Variants in CAPS2 observed in about 807,000 individuals in gnomAD.
The protein encoded by CAPS2 is calcyphosin-2.
CAPS2 carries 98 observed loss-of-function variants against 86.5 expected under a neutral mutation model. The ratio of observed to expected loss-of-function variants is 1.13; its 90% CI spans 0.96 to 1.34. The LOEUF (loss-of-function observed/expected upper bound fraction) is 1.34. Ranked by LOEUF, CAPS2 falls within the 40% of genes most tolerant of loss-of-function variation. CAPS2 has a pLI of 0.00. For missense variants in CAPS2, 729 were observed against 686.8 expected, an observed-to-expected ratio of 1.06 and a Z score of -0.69; for synonymous variants, 210 against 225.1, an observed-to-expected ratio of 0.93 and a Z score of 0.60.
chr12:75,372,335 G>A (rs1020282957), intron 1 of CAPS2, among the ~76,000 whole-genome samples: 1 of 152,104 alleles, frequency 6.6e-6, no homozygotes, highest in Admixed American at 6.6e-5. Context: ...GATAGTTTAA[G>A]TCAATCACCC....
At chr12:75,284,050 C>T (rs2034451874) in intron 15 of CAPS2, among the ~76,000 whole-genome samples, 1 of 152,168 alleles carries the variant, frequency 6.6e-6, no homozygotes, top group South Asian at 2.1e-4. Flanking sequence ...CAAACTAATA[C>T]AGAACTGTAT....
chr12:75,293,298 G>A (rs1464294794), exon 12 of CAPS2: 2 of 1,612,374 alleles, frequency 1.2e-6, no homozygotes, highest in Non-Finnish European at 1.7e-6. Flanking sequence ...CGGAGTTTAA[G>A]TAATGTGTTT....
At chr12:75,289,811 C>T in intron 13 of CAPS2, 36 bp from the exon 14 acceptor site, 1 of 1,516,978 alleles carries the variant, frequency 6.6e-7, no homozygotes, top group Non-Finnish European at 9.0e-7. Flanking sequence ...ACAAATTGTT[C>T]CTATGCATAA....
intron 14 of CAPS2, among the ~76,000 whole-genome samples, chr12:75,288,361 A>G (rs1466862168): frequency 6.6e-6 from 1 of 151,546 alleles, no homozygotes; most frequent in Non-Finnish European, 1.5e-5. Context: ...TAATTTTCTT[A>G]TTTGAGCTTC....
chr12:75,331,876 T>C (rs1406983080), upstream of CAPS2, among the ~76,000 whole-genome samples: 1 of 152,200 alleles, frequency 6.6e-6, no homozygotes, highest in Non-Finnish European at 1.5e-5. Flanking sequence ...ATTTAACTTT[T>C]AAAAAGTTAT....
At chr12:75,367,515 G>A (rs1164541662) in intron 1 of CAPS2, among the ~76,000 whole-genome samples, 6 of 54,156 alleles carry the variant, frequency 1.1e-4, no homozygotes, top group South Asian at 1.0e-3. Flanking sequence ...CCATCTCCAC[G>A]TCGTGTACCA....
chr12:75,282,126 CA>C (rs1233711425), intron 16 of CAPS2, 124 bp downstream of exon 16: 2 of 647,476 alleles, frequency 3.1e-6, no homozygotes, highest in Non-Finnish European at 5.5e-6. Context: ...CATAAGTTTC[CA>C]GTTCAAAAAA....
At chr12:75,301,116 G>A (rs1208666797) in intron 8 of CAPS2, among the ~76,000 whole-genome samples, 2 of 152,082 alleles carry the variant, frequency 1.3e-5, no homozygotes, top group African/African-American at 2.4e-5. Context: ...ACACCCTACT[G>A]CCAATAATCT....
chr12:75,305,677 G>A, intron 7 of CAPS2: 1 of 653,506 alleles, frequency 1.5e-6, no homozygotes. Flanking sequence ...GCACTGCCCA[G>A]TCTGGCCCGG....
chr12:75,340,173 C>G (rs951335933), intron 1 of CAPS2, among the ~76,000 whole-genome samples: 1 of 149,848 alleles, frequency 6.7e-6, no homozygotes, highest in Non-Finnish European at 1.5e-5. Context: ...TATATATATA[C>G]ATACCACATT....
intron 1 of CAPS2, among the ~76,000 whole-genome samples, chr12:75,342,950 AG>A (rs1350166742): frequency 1.5e-5 from 2 of 131,804 alleles, no homozygotes; most frequent in Admixed American, 7.5e-5. Flanking sequence ...TAGAATATAT[AG>A]ATATATAATA....
intron 1 of CAPS2, among the ~76,000 whole-genome samples, chr12:75,385,508 T>G (rs1566047755): frequency 6.6e-6 from 1 of 152,140 alleles, no homozygotes; most frequent in Non-Finnish European, 1.5e-5. Flanking sequence ...AACTGCATAC[T>G]TAATGATGAG....
At chr12:75,277,518 T>TA (rs1198065803) in exon 17 of CAPS2, 32 of 920,096 alleles carry the variant, frequency 3.5e-5, no homozygotes, top group East Asian at 1.2e-4. Context: ...ACCTAATTTT[T>TA]AAAAAAATCA....
intron 14 of CAPS2, among the ~76,000 whole-genome samples, chr12:75,287,406 C>A (rs977605354): frequency 6.6e-6 from 1 of 152,084 alleles, no homozygotes; most frequent in Non-Finnish European, 1.5e-5. Flanking sequence ...CCTGCCCCCA[C>A]CATGGAGGAA....
At chr12:75,334,659 GAA>G, upstream of CAPS2, 7 of 1,557,712 alleles carry the variant, frequency 4.5e-6, no homozygotes, top group Non-Finnish European at 6.1e-6. Flanking sequence ...GGGGCGTGGG[GAA>G]ATCGGGTTGC....
chr12:75,303,646 G>A (rs563730310), intron 8 of CAPS2, among the ~76,000 whole-genome samples: 2 of 152,236 alleles, frequency 1.3e-5, no homozygotes, highest in South Asian at 2.1e-4. Flanking sequence ...TAGATGTGTG[G>A]TACATAAATG....
intron 1 of CAPS2, among the ~76,000 whole-genome samples, chr12:75,352,016 TG>T (rs1391956907): frequency 6.6e-6 from 1 of 151,946 alleles, no homozygotes; most frequent in Non-Finnish European, 1.5e-5. Flanking sequence ...GCACTAAATA[TG>T]GAAAGGAAAA....
At position 75,281,549 on chromosome 12, in the gene CAPS2, T is replaced by C. The variant is rs578247038; in HGVS notation, c.1612+702A>G. 5.9e-5 allele frequency among the ~76,000 whole-genome samples: 9 copies of C among 152,040 alleles called. No homozygotes were observed. In the East Asian group the frequency reaches 1.7e-3, roughly 29 times the overall value. ...AGTGCGCCTTTCATGTCAAAAAAAC[T>C]TCAAAAAGTATTAAATATTTATAGC... On this transcript the variant is annotated intron_variant, in intron 16 of 16. Transcript: ENST00000393284.
At chr12:75,314,309 G>A (rs1395003260) in intron 6 of CAPS2, among the ~76,000 whole-genome samples, 1 of 152,020 alleles carries the variant, frequency 6.6e-6, no homozygotes, top group Non-Finnish European at 1.5e-5. Flanking sequence ...CTCTTATTTA[G>A]CCTATATTAT....
Sources: gnomAD v4.1 joint callset for allele counts (sites outside exome capture counted in the v4.1 genomes callset) on GRCh38, gnomAD v4.1.1 for gene constraint, MANE v1.5 for transcripts, NCBI Gene and HGNC (gene_info 2026-07-23, HGNC 2026-07-21) for gene names.